CFAP251: variants seen among roughly 807,000 people sequenced by gnomAD.
CFAP251 encodes the protein cilia and flagella associated protein 251, also known as cilia- and flagella-associated protein 251.
A neutral mutation model predicts 126.7 loss-of-function variants in CFAP251; 93 were observed. That is an observed-to-expected ratio of 0.73 (90% CI 0.62 to 0.87). The LOEUF (loss-of-function observed/expected upper bound fraction) is 0.87, where lower values mean the gene tolerates loss of function less well. Among genes scored for constraint, CFAP251 ranks in the 40% least tolerant of loss-of-function variants. The pLI, the probability that CFAP251 is intolerant of heterozygous loss-of-function variation, is 0.00. For synonymous variants in CFAP251, 503 were observed against 506.9 expected (o/e 0.99, Z 0.10); for missense variants, 1,287 against 1,389.2 (o/e 0.93, Z 1.17).
chr12:121,921,389 A>G lies in CFAP251; in HGVS notation c.84A>G (p.Pro28=). 1 of 1,613,846 alleles carries G rather than the reference A, an allele frequency of 6.2e-7. No homozygotes were observed. The highest frequency in any genetic ancestry group is 8.5e-7 in the Non-Finnish European group (1 of 1,179,972). ...TGAAAGAAGAGGAGGAACCTAATCC[A>G]AATTATAAAGAAGTAGAAGATCCAC... ...TEMKEEEEPN[P]NYKEVEDPQQ... Residue 28 remains proline (P), a synonymous_variant, in exon 2 of 22, where the codon CCA becomes CCG. Coordinates refer to ENST00000288912, the MANE Select transcript of CFAP251 (RefSeq NM_144668.6).
At chr12:121,943,038 G>C (rs1881187608) in intron 7 of CFAP251, 63 bp downstream of exon 7, 1 of 1,568,738 alleles carries the variant, frequency 6.4e-7, no homozygotes, top group East Asian at 2.3e-5. Flanking sequence ...GCCAGGCTGG[G>C]CGTGGTGGCT....
At chr12:121,979,567 T>C (rs1323022595) in intron 19 of CFAP251, among the ~76,000 whole-genome samples, 1 of 131,574 alleles carries the variant, frequency 7.6e-6, no homozygotes, top group Non-Finnish European at 1.7e-5. Context: ...CTTCTTCTTT[T>C]TTTTTTTTTT....
At chr12:121,996,164 T>G (rs540123666) in intron 19 of CFAP251, among the ~76,000 whole-genome samples, 1 of 152,316 alleles carries the variant, frequency 6.6e-6, no homozygotes, top group Admixed American at 6.5e-5. Flanking sequence ...ATAAGTAATG[T>G]GTACAAATAG....
chr12:121,931,880 C>G lies in CFAP251; in HGVS notation c.882C>G (p.His294Gln). 1 of 1,556,962 alleles carries G rather than the reference C, an allele frequency of 6.4e-7. No individual in the cohort carries two copies. Among genetic ancestry groups the G allele is most frequent in the Non-Finnish European group, 8.7e-7 (1 of 1,154,406 alleles). ...IYNVFRNNQYHLQGHANIISC... is the reference protein window; with the variant it reads ...IYNVFRNNQYQLQGHANIISC... The stretch of plus-strand genomic sequence containing the variant: ...ACGTGTTCAGGAACAATCAATACCA[C>G]CTTCAGGTATGCAGGGATTTCCTTC... The change falls in exon 4 of 22, where the codon CAC becomes CAG. Residue 294 changes from histidine to glutamine, a missense_variant. Transcript: ENST00000288912.
At chr12:121,975,147 A>G (rs1882424282) in intron 17 of CFAP251, 97 bp from the exon 18 acceptor site, 5 of 925,006 alleles carry the variant, frequency 5.4e-6, no homozygotes, top group South Asian at 4.1e-5. Flanking sequence ...CTGTGCTGTG[A>G]TACCCTTCAG....
At chr12:121,925,559 G>A (rs895060317) in intron 3 of CFAP251, among the ~76,000 whole-genome samples, 3 of 152,190 alleles carry the variant, frequency 2.0e-5, no homozygotes, top group African/African-American at 4.8e-5. Context: ...TTTGAGCCCC[G>A]TGTGACAGCC....
intron 21 of CFAP251, chr12:122,001,979 T>C: frequency 4.2e-6 from 1 of 236,070 alleles, no homozygotes; most frequent in Non-Finnish European, 8.7e-6. Context: ...TTCCAGCACT[T>C]TGGGAGGCCA....
At chr12:121,979,502 A>G (rs541861509) in intron 19 of CFAP251, among the ~76,000 whole-genome samples, 1 of 150,260 alleles carries the variant, frequency 6.7e-6, no homozygotes, top group South Asian at 2.1e-4. Context: ...GGAGCCGCCG[A>G]CATTTGAAGA....
chr12:121,936,582 T>C (rs1880903913), intron 5 of CFAP251, among the ~76,000 whole-genome samples: 1 of 152,022 alleles, frequency 6.6e-6, no homozygotes, highest in African/African-American at 2.4e-5. Flanking sequence ...CACGCCACCT[T>C]GTGTGACAGC....
At chr12:121,948,961 T>C in intron 7 of CFAP251, 23 bp from the exon 8 acceptor site, 7 of 1,376,950 alleles carry the variant, frequency 5.1e-6, no homozygotes, top group Non-Finnish European at 7.0e-6. Flanking sequence ...ATCATTAATG[T>C]ATTTTCATAC....
chr12:121,993,478 TGAG>T (rs1242176088), intron 19 of CFAP251, among the ~76,000 whole-genome samples: 3 of 140,552 alleles, frequency 2.1e-5, no homozygotes, highest in Non-Finnish European at 3.1e-5. Context: ...GTCTGGAAAG[TGAG>T]GAGCGTCTCC....
intron 3 of CFAP251, among the ~76,000 whole-genome samples, chr12:121,929,731 G>T (rs1319609054): frequency 6.6e-6 from 1 of 151,254 alleles, no homozygotes; most frequent in Admixed American, 6.6e-5. Flanking sequence ...AGGCTGGAGT[G>T]CAATGGCGTG....
intron 3 of CFAP251, among the ~76,000 whole-genome samples, chr12:121,924,622 G>A (rs1168122804): frequency 1.3e-5 from 2 of 150,676 alleles, no homozygotes; most frequent in African/African-American, 4.9e-5. Context: ...AGTAGAGATG[G>A]GATTTCACCA....
intron 17 of CFAP251, among the ~76,000 whole-genome samples, chr12:121,970,845 A>T (rs1882307229): frequency 6.6e-6 from 1 of 152,264 alleles, no homozygotes; most frequent in African/African-American, 2.4e-5. Flanking sequence ...CTCAGCAGGA[A>T]GATGGCTGCT....
chr12:121,959,161 A>G (rs1263806803), intron 13 of CFAP251, 67 bp downstream of exon 13: 2 of 1,465,708 alleles, frequency 1.4e-6, no homozygotes, highest in Non-Finnish European at 9.2e-7. Context: ...AAGAGGCCAG[A>G]CATAGTAGCT....
intron 15 of CFAP251, among the ~76,000 whole-genome samples, chr12:121,963,217 A>G (rs1197454125): frequency 2.0e-5 from 3 of 152,182 alleles, no homozygotes; most frequent in African/African-American, 7.2e-5. Flanking sequence ...TTCTGGATAT[A>G]TCCTGCCGGC....
chr12:121,928,079 T>A (rs1452661234), intron 3 of CFAP251, among the ~76,000 whole-genome samples: 1 of 152,346 alleles, frequency 6.6e-6, no homozygotes, highest in East Asian at 1.9e-4. Context: ...GAAGTCAGCC[T>A]CGTGGTGACC....
intron 7 of CFAP251, chr12:121,947,709 C>T (rs1271315725): frequency 1.3e-5 from 2 of 152,208 alleles, no homozygotes; most frequent in Non-Finnish European, 2.9e-5. Flanking sequence ...CTGACTTCTG[C>T]TCCTTAAAGG....
intron 7 of CFAP251, among the ~76,000 whole-genome samples, chr12:121,946,505 A>G (rs1255388426): frequency 1.3e-5 from 2 of 152,060 alleles, no homozygotes; most frequent in African/African-American, 2.4e-5. Context: ...TCAGCTGTCG[A>G]TCCCTATTTT....
Sources: allele counts gnomAD v4.1 joint callset (sites outside exome capture counted in the v4.1 genomes callset), GRCh38; gene constraint gnomAD v4.1.1; transcripts MANE v1.5; gene names NCBI Gene and HGNC (gene_info 2026-07-23, HGNC 2026-07-21).